The following CALN1 variants were observed in gnomAD, a reference collection of about 807,000 sequenced individuals.
CALN1 encodes calneuron 1.
Under a neutral mutation model 30.6 loss-of-function variants are expected in CALN1, and 17 were observed. The observed-to-expected ratio is 0.56, with a 90% CI of 0.38 to 0.83. The LOEUF is 0.83. Ranked by LOEUF, CALN1 falls within the 40% of genes least tolerant of loss-of-function variation. CALN1 has a pLI of 0.00. For missense variants in CALN1, 291 were observed against 354.9 expected (o/e 0.82, Z 1.45); for synonymous variants, 156 against 131.4 (o/e 1.19, Z -1.28).
chr7:72,477,082 G>A, the CALN1 span, among the ~76,000 whole-genome samples: 12 of 152,198 alleles, frequency 7.9e-5, 1 homozygote, highest in South Asian at 1.5e-3. Context: ...GTGGTGGCGC[G>A]CACTTGTAAT....
chr7:71,882,684 A>C (rs1028144735), intron 5 of CALN1, among the ~76,000 whole-genome samples: 5 of 152,020 alleles, frequency 3.3e-5, no homozygotes, highest in South Asian at 4.1e-4. Flanking sequence ...CTACTTAAAA[A>C]AAAAAACAAC....
At chr7:72,477,228 G>T in the CALN1 span, among the ~76,000 whole-genome samples, 289 of 142,210 alleles carry the variant, frequency 2.0e-3, 4 homozygotes, top group Admixed American at 0.019. Context: ...AGAAAGAAAA[G>T]GTGCATGCCC....
chr7:72,253,470 CAT>C (rs1250331214), intron 3 of CALN1, among the ~76,000 whole-genome samples: 3 of 152,208 alleles, frequency 2.0e-5, no homozygotes, highest in African/African-American at 7.2e-5. Flanking sequence ...CACAGTTCTG[CAT>C]GGCTAAGGGG....
At chr7:72,195,891 T>C (rs1361443819) in intron 3 of CALN1, among the ~76,000 whole-genome samples, 2 of 152,124 alleles carry the variant, frequency 1.3e-5, no homozygotes, top group Non-Finnish European at 2.9e-5. Flanking sequence ...CAATGGAATA[T>C]GATTCAGCCA....
chr7:72,395,930 G>C (rs1273739158), intron 2 of CALN1, among the ~76,000 whole-genome samples: 1 of 151,994 alleles, frequency 6.6e-6, no homozygotes, highest in Admixed American at 6.5e-5. Flanking sequence ...TTAGGAGGTA[G>C]GACCTCCAAA....
At chr7:72,500,338 T>G in the CALN1 span, among the ~76,000 whole-genome samples, 1 of 131,062 alleles carries the variant, frequency 7.6e-6, no homozygotes. Flanking sequence ...TGGAGTGCAG[T>G]GTCGCGATCT....
chr7:72,063,437 T>C (rs1488775529), intron 4 of CALN1, among the ~76,000 whole-genome samples: 1 of 152,156 alleles, frequency 6.6e-6, no homozygotes, highest in Non-Finnish European at 1.5e-5. Context: ...TATTGTCCTG[T>C]GAAGATGCAA....
intron 3 of CALN1, among the ~76,000 whole-genome samples, chr7:72,155,142 G>A (rs1278184229): frequency 1.3e-5 from 2 of 152,162 alleles, no homozygotes; most frequent in African/African-American, 2.4e-5. Context: ...CATGCCCAGA[G>A]GGAAGGACAT....
At chr7:72,198,427 A>G (rs1791186499) in intron 3 of CALN1, among the ~76,000 whole-genome samples, 1 of 152,224 alleles carries the variant, frequency 6.6e-6, no homozygotes, top group Admixed American at 6.5e-5. Flanking sequence ...CACTGTTATC[A>G]AGCCATACCA....
chr7:72,169,867 C>T (rs932708461), intron 3 of CALN1, among the ~76,000 whole-genome samples: 11 of 151,748 alleles, frequency 7.2e-5, no homozygotes, highest in Non-Finnish European at 1.2e-4. Flanking sequence ...GTTTTTGTAT[C>T]TTTTTAGTAG....
chr7:71,968,907 G>C (rs10232469), intron 5 of CALN1, among the ~76,000 whole-genome samples: 3,894 of 150,226 alleles, frequency 0.026, 139 homozygotes, highest in African/African-American at 0.088. Context: ...TAATTAGCCA[G>C]TTATAGTGGC....
At position 71,781,031 on chromosome 7, in the gene CALN1, A is replaced by G. The variant is rs1792686983; in HGVS notation, c.*6744T>C. The G allele has an allele frequency of 6.6e-6, 1 of 152,218 alleles. No individual in the cohort carries two copies. The highest frequency in any genetic ancestry group is 1.5e-5 in the Non-Finnish European group (1 of 68,036). The allele number at this position is 152,218 out of a possible 1,614,324, so 9.4% of individuals were successfully genotyped here. On this transcript the variant is annotated 3_prime_UTR_variant, in exon 7 of 7. Transcript: ENST00000395275. Reference sequence around the variant, plus strand: ...TTTCATTTACAGACAGCGGACACCAAAAGAGAGACTTTATCACAACTGCCT... The same window carrying G: ...TTTCATTTACAGACAGCGGACACCAGAAGAGAGACTTTATCACAACTGCCT...
At chr7:72,462,154 TTATGTATG>T in the CALN1 span, among the ~76,000 whole-genome samples, 116 of 151,488 alleles carry the variant, frequency 7.7e-4, 3 homozygotes, top group South Asian at 0.017. Context: ...TTTATTTAAT[TTATGTATG>T]TATGTATGTA....
At chr7:72,191,797 T>G (rs1790628947) in intron 3 of CALN1, among the ~76,000 whole-genome samples, 1 of 152,110 alleles carries the variant, frequency 6.6e-6, no homozygotes, top group Admixed American at 6.5e-5. Context: ...GGTTTCATTA[T>G]CTGGCTTTTC....
chr7:72,392,961 T>C (rs1805673030), intron 2 of CALN1, among the ~76,000 whole-genome samples: 1 of 151,890 alleles, frequency 6.6e-6, no homozygotes, highest in Admixed American at 6.6e-5. Context: ...ATCTCACCAC[T>C]ACACTCCACC....
chr7:72,325,178 G>T (rs1434394772), intron 2 of CALN1, among the ~76,000 whole-genome samples: 1 of 151,982 alleles, frequency 6.6e-6, no homozygotes, highest in Admixed American at 6.6e-5. Flanking sequence ...GCAAACTTTG[G>T]TCCCAGCTAC....
At chr7:72,476,643 A>G in the CALN1 span, among the ~76,000 whole-genome samples, 1 of 151,880 alleles carries the variant, frequency 6.6e-6, no homozygotes, top group South Asian at 2.1e-4. Context: ...CGTAAAACCA[A>G]CCCCCTCAGC....
intron 2 of CALN1, among the ~76,000 whole-genome samples, chr7:72,382,239 G>A (rs942612548): frequency 2.0e-5 from 3 of 152,150 alleles, no homozygotes; most frequent in Non-Finnish European, 2.9e-5. Flanking sequence ...ATTAGCAATA[G>A]GAATTTTTCT....
At chr7:72,487,734 A>AAAGAAAGGAAGGAAGT in the CALN1 span, among the ~76,000 whole-genome samples, 3 of 56,572 alleles carry the variant, frequency 5.3e-5, 1 homozygote, top group African/African-American at 2.2e-4. Flanking sequence ...AGAAAGAAAG[A>AAAGAAAGGAAGGAAGT]AAGGAAGGAA....
Sources: gnomAD v4.1 joint callset for allele counts (sites outside exome capture counted in the v4.1 genomes callset) on GRCh38, gnomAD v4.1.1 for gene constraint, MANE v1.5 for transcripts, NCBI Gene and HGNC (gene_info 2026-07-23, HGNC 2026-07-21) for gene names.